FAM13C: variants seen among roughly 807,000 people sequenced by gnomAD.
FAM13C encodes family with sequence similarity 13 member C, also known as protein FAM13C.
In FAM13C, 37 loss-of-function variants were observed where a neutral mutation model predicts 73.2. That is an observed-to-expected ratio of 0.51 (90% CI 0.39 to 0.67). FAM13C has a LOEUF of 0.67. Ranked by LOEUF, FAM13C falls within the 30% of genes least tolerant of loss-of-function variation. FAM13C has a pLI of 0.00. For synonymous variants in FAM13C, 246 were observed against 260.9 expected (o/e 0.94, Z 0.55); for missense variants, 589 against 715.6 (o/e 0.82, Z 2.02).
intron 5 of FAM13C, among the ~76,000 whole-genome samples, chr10:59,288,333 A>C (rs1405718604): frequency 1.3e-5 from 2 of 152,114 alleles, no homozygotes; most frequent in Non-Finnish European, 2.9e-5. Flanking sequence ...CTCTACTAAA[A>C]ATATAAAACT....
chr10:59,327,800 T>C (rs1006454586), intron 3 of FAM13C: 6 of 152,146 alleles, frequency 3.9e-5, no homozygotes, highest in African/African-American at 1.4e-4. Context: ...TATAGAGAAG[T>C]GAATAAGACA....
At position 59,262,559 on chromosome 10, in the gene FAM13C, T is replaced by C; in HGVS notation, c.1111A>G (p.Arg371Gly). 1 of 1,613,768 alleles carries C rather than the reference T, an allele frequency of 6.2e-7. No individual in the cohort carries two copies. Among genetic ancestry groups the C allele is most frequent in the African/African-American group, 1.3e-5 (1 of 75,030 alleles). Residue 371 changes from arginine to glycine, a missense_variant, in exon 10 of 14, where the codon AGA (arginine) becomes GGA (glycine). Arg to Gly is a moderately radical substitution (Grantham distance 125). Coordinates refer to ENST00000618804, the MANE Select transcript of FAM13C (RefSeq NM_198215.4). ...GCAGCTTCCGGTTTCCCATTTTCTC[T>C]GGGGACTGTGGGTTGCTCACACAAC... ...NLLCEQPTVPRENGKPEAAGP... is the reference protein window; with the variant it reads ...NLLCEQPTVPGENGKPEAAGP...
At chr10:59,340,324 G>C (rs1315303193) in intron 3 of FAM13C, among the ~76,000 whole-genome samples, 1 of 152,096 alleles carries the variant, frequency 6.6e-6, no homozygotes, top group Non-Finnish European at 1.5e-5. Context: ...TCTAGTGCCA[G>C]TTCCCTGCTT....
chr10:59,276,535 G>T (rs986014293), intron 6 of FAM13C, among the ~76,000 whole-genome samples: 2 of 152,154 alleles, frequency 1.3e-5, no homozygotes, highest in Admixed American at 1.3e-4. Flanking sequence ...AACTGAGGAG[G>T]ATGAGAGAGT....
chr10:59,315,899 T>C (rs974489041), intron 4 of FAM13C, among the ~76,000 whole-genome samples: 56 of 152,168 alleles, frequency 3.7e-4, no homozygotes, highest in African/African-American at 1.1e-3. Flanking sequence ...TATATTCCTA[T>C]CTTCTTCCAT....
Position 59,247,719 on chromosome 10 carries a change from A to G in FAM13C, c.1653T>C (p.Asp551=), listed in dbSNP as rs772027845. 17 of 1,612,030 alleles carry G rather than the reference A, an allele frequency of 1.1e-5. 1 individual carries two copies. In the Middle Eastern group the frequency reaches 1.8e-3, roughly 172 times the overall value. ...KQTGRSPQKE[D]RIPMADEYYE... ...AATACTCATCTGCCATTGGTATCCTATCTTCCTTTTGTGGACTTCTGCAAA... is the reference window on the plus strand; with the variant it reads ...AATACTCATCTGCCATTGGTATCCTGTCTTCCTTTTGTGGACTTCTGCAAA... The change falls in exon 14 of 14, where the codon GAT becomes GAC. Residue 551 remains aspartate, a synonymous_variant. Coordinates refer to ENST00000618804, the MANE Select transcript of FAM13C (RefSeq NM_198215.4).
At chr10:59,252,750 A>T in intron 12 of FAM13C, 49 bp downstream of exon 12, 1 of 1,579,642 alleles carries the variant, frequency 6.3e-7, no homozygotes, top group Non-Finnish European at 8.7e-7. Flanking sequence ...TACTGGTATC[A>T]GACCAGAAGG....
chr10:59,268,818 G>T, intron 7 of FAM13C, 127 bp from the exon 8 acceptor site: 1 of 1,102,054 alleles, frequency 9.1e-7, no homozygotes, highest in Non-Finnish European at 1.3e-6. Flanking sequence ...TATTTGATGA[G>T]GCCACCATGG....
chr10:59,273,436 A>G (rs1386988437), intron 6 of FAM13C, among the ~76,000 whole-genome samples: 3 of 152,156 alleles, frequency 2.0e-5, no homozygotes, highest in Non-Finnish European at 4.4e-5. Context: ...AATAAGAACC[A>G]ATATATCCCT....
chr10:59,351,542 G>T (rs76575478), intron 3 of FAM13C, among the ~76,000 whole-genome samples: 2 of 152,052 alleles, frequency 1.3e-5, no homozygotes, highest in African/African-American at 2.4e-5. Context: ...ATTCCAGTCC[G>T]CTAAACTTCA....
intron 4 of FAM13C, among the ~76,000 whole-genome samples, chr10:59,311,420 T>C (rs1437277569): frequency 6.6e-6 from 1 of 152,226 alleles, no homozygotes; most frequent in African/African-American, 2.4e-5. Flanking sequence ...TAGCAGCACC[T>C]GGTTTGCTGA....
chr10:59,322,277 G>C (rs1381267991), intron 4 of FAM13C, among the ~76,000 whole-genome samples: 1 of 152,154 alleles, frequency 6.6e-6, no homozygotes, highest in Non-Finnish European at 1.5e-5. Flanking sequence ...TAGTTTAAAG[G>C]TTACTTAACT....
At chr10:59,264,513 G>A (rs1011720057) in intron 8 of FAM13C, among the ~76,000 whole-genome samples, 8 of 152,150 alleles carry the variant, frequency 5.3e-5, no homozygotes, top group African/African-American at 1.9e-4. Flanking sequence ...GTCACCCACA[G>A]CCCATATATA....
chr10:59,290,377 T>C (rs906572516), intron 5 of FAM13C, among the ~76,000 whole-genome samples: 10 of 152,228 alleles, frequency 6.6e-5, no homozygotes, highest in Non-Finnish European at 1.2e-4. Context: ...TATGATGATA[T>C]GAAGCAAATC....
chr10:59,320,369 T>C (rs1175353079), intron 4 of FAM13C, among the ~76,000 whole-genome samples: 1 of 151,854 alleles, frequency 6.6e-6, no homozygotes, highest in Non-Finnish European at 1.5e-5. Context: ...GAATATAATA[T>C]AGGGAAGGGT....
intron 6 of FAM13C, among the ~76,000 whole-genome samples, chr10:59,274,224 T>C (rs1254443703): frequency 1.4e-5 from 2 of 142,908 alleles, no homozygotes; most frequent in African/African-American, 2.8e-5. Flanking sequence ...AAAACATGGA[T>C]ACATGATGGG....
At chr10:59,353,987 T>A (rs1855393320) in intron 2 of FAM13C, among the ~76,000 whole-genome samples, 1 of 152,188 alleles carries the variant, frequency 6.6e-6, no homozygotes, top group Non-Finnish European at 1.5e-5. Context: ...ACTATACTAG[T>A]TCATTTGAAG....
chr10:59,329,317 T>C (rs536689065), intron 3 of FAM13C, among the ~76,000 whole-genome samples: 2 of 150,528 alleles, frequency 1.3e-5, no homozygotes, highest in African/African-American at 4.9e-5. Flanking sequence ...GATTCCATTT[T>C]TTTTTCTTTT....
At chr10:59,337,967 A>C (rs1458832697) in intron 3 of FAM13C, among the ~76,000 whole-genome samples, 3 of 151,938 alleles carry the variant, frequency 2.0e-5, no homozygotes, top group Non-Finnish European at 4.4e-5. Context: ...GGCGTGAGAC[A>C]CCATGCCCAG....
Sources: allele counts gnomAD v4.1 joint callset (sites outside exome capture counted in the v4.1 genomes callset), GRCh38; gene constraint gnomAD v4.1.1; transcripts MANE v1.5; gene names NCBI Gene and HGNC (gene_info 2026-07-23, HGNC 2026-07-21).